The following ABCA4 variants were observed in gnomAD, a reference collection of about 807,000 sequenced individuals.
ABCA4 encodes retinal-specific phospholipid-transporting ATPase ABCA4.
Under a neutral mutation model 263.7 loss-of-function variants are expected in ABCA4, and 196 were observed. The observed-to-expected ratio is 0.74, with a 90% CI of 0.66 to 0.84. The LOEUF (loss-of-function observed/expected upper bound fraction) is 0.84, where lower values mean the gene tolerates loss of function less well. Ranked by LOEUF, ABCA4 falls within the 40% of genes least tolerant of loss-of-function variation. The pLI is 0.00. For synonymous variants in ABCA4, 1,133 were observed against 1,094.2 expected, an observed-to-expected ratio of 1.04 and a Z score of -0.70; for missense variants, 2,792 against 2,855.1, an observed-to-expected ratio of 0.98 and a Z score of 0.50.
chr1:94,096,317 G>C (rs138627461), intron 6 of ABCA4, among the ~76,000 whole-genome samples: 24 of 152,150 alleles, frequency 1.6e-4, no homozygotes, highest in Non-Finnish European at 3.5e-4. Context: ...CTACCGCTCG[G>C]GGGGACAAAT....
Position 94,021,362 on chromosome 1 carries a change from A to G in ABCA4, c.4896T>C (p.Asn1632=), listed in dbSNP as rs1246249769. The change falls in exon 35 of 50, where the codon AAT becomes AAC. Residue 1632 remains asparagine, a synonymous_variant. Coordinates refer to ENST00000370225, the MANE Select transcript of ABCA4 (RefSeq NM_000350.3). ...CCCGTAAGATGGCGTTGTGGGCCAC[A>G]TTGAGAAAGCTGACCAGGGCATGCC... ...KGWHALVSFL[N]VAHNAILRAS... is the part of the protein sequence containing the mutation. The G allele has an allele frequency of 6.2e-7, 1 of 1,614,134 alleles. No individual in the cohort carries two copies. Among genetic ancestry groups the G allele is most frequent in the African/African-American group, 1.3e-5 (1 of 74,940 alleles).
chr1:93,999,640 G>T (rs1176156910), intron 47 of ABCA4, among the ~76,000 whole-genome samples: 3 of 152,150 alleles, frequency 2.0e-5, no homozygotes, highest in South Asian at 2.1e-4. Flanking sequence ...CTGGTATCCT[G>T]TGTCAGTCAT....
Position 94,029,455 on chromosome 1 carries a change from G to T in ABCA4, c.4529C>A (p.Pro1510Gln). The T allele has an allele frequency of 6.4e-7, 1 of 1,554,088 alleles. No individual in the cohort carries two copies. Among genetic ancestry groups the T allele is most frequent in the Non-Finnish European group, 8.7e-7 (1 of 1,148,322 alleles). The change falls in exon 30 of 50, where the codon CCG becomes CAG. Residue 1510 changes from proline to glutamine, a missense_variant. Transcript: ENST00000370225. ...PECPEGAGGL[P>Q]PPQRTQRSTE... ...TTGGAGGTCAGGTACCTGGGGGGGC[G>T]GGAGGCCCCCGGCACCCTCGGGGCA... is the stretch of plus-strand genomic sequence containing the variant.
Position 94,108,713 on chromosome 1 carries a change from C to A in ABCA4, c.306G>T (p.Leu102Phe), listed in dbSNP as rs1054538871. 2 of 1,613,788 alleles carry A rather than the reference C, an allele frequency of 1.2e-6. No homozygotes were observed. The highest frequency in any genetic ancestry group is 1.3e-5 in the African/African-American group (1 of 74,898). The change falls in exon 4 of 50, where the codon TTG becomes TTT. Residue 102 changes from leucine to phenylalanine, a missense_variant. Leu to Phe is a conservative substitution (Grantham distance 22, BLOSUM62 0). Transcript: ENST00000370225. ...GIVSNYNNSILARVYRDFQEL... is the reference protein window; with the variant it reads ...GIVSNYNNSIFARVYRDFQEL... ...CTTGAAAATCTCGATATACCCTTGC[C>A]AAGCTGTAAGGACAAAGCCTCATTA...
At position 94,063,237 on chromosome 1, in the gene ABCA4, G is replaced by A. The variant is rs1278553281; in HGVS notation, c.1635C>T (p.Asn545=). The A allele has an allele frequency of 6.2e-7, 1 of 1,614,168 alleles. No homozygotes were observed. The highest frequency in any genetic ancestry group is 1.1e-5 in the South Asian group (1 of 91,084). The change falls in exon 12 of 50, where the codon AAC becomes AAT. Residue 545 remains asparagine, a synonymous_variant. Transcript: ENST00000370225. ...TQRALSLLEE[N]MFWAGVVFPD... is the part of the protein sequence containing the mutation. ...GGAATACCACTCCGGCCCAGAACAT[G>A]TTTTCCTCCAGTAGAGAGAGGGCAC...
intron 6 of ABCA4, among the ~76,000 whole-genome samples, chr1:94,084,016 T>C (rs1049327092): frequency 6.6e-6 from 1 of 152,216 alleles, no homozygotes; most frequent in African/African-American, 2.4e-5. Context: ...GATTCTCCAA[T>C]TGCCAGCAGT....
Position 94,015,757 on chromosome 1 carries a change from G to A in ABCA4, c.5294C>T (p.Ala1765Val), listed in dbSNP as rs1434692591. 1 of 1,613,708 alleles carries A rather than the reference G, an allele frequency of 6.2e-7. No individual in the cohort carries two copies. Among genetic ancestry groups the A allele is most frequent in the Non-Finnish European group, 8.5e-7 (1 of 1,179,934 alleles). ...TSPENLPALV[A>V]LLLLYGWAVI... ...GGCTTACCCATACAGCAGGAGCAGTGCCACAAGGGCAGGAAGGTTTTCTGG... is the reference window on the plus strand; with the variant it reads ...GGCTTACCCATACAGCAGGAGCAGTACCACAAGGGCAGGAAGGTTTTCTGG... Residue 1765 changes from alanine (A) to valine (V), a missense_variant, in exon 37 of 50, where the codon GCA (alanine) becomes GTA (valine). By Grantham distance (64) the Ala-to-Val change is moderately conservative. Coordinates refer to ENST00000370225, the MANE Select transcript of ABCA4 (RefSeq NM_000350.3).
In ABCA4 at chr1:94,062,681, C is replaced by A. The variant is rs774263519; in HGVS notation, c.1833G>T (p.Leu611=). 1.7e-5 allele frequency: 28 copies of A among 1,614,024 alleles called. No homozygotes were observed. Among genetic ancestry groups the A allele is most frequent in the Non-Finnish European group, 2.3e-5 (27 of 1,180,048 alleles). The change falls in exon 13 of 50, where the codon CTG becomes CTT. Residue 611 remains leucine (L), a synonymous_variant. Transcript: ENST00000370225. ...TGATCCCCTGTTCAACCATGTCCTG[C>A]AGATAGGCAAACCCGCCCCAGATGT... The part of the protein sequence containing the change: ...FRYIWGGFAY[L]QDMVEQGITR...
chr1:94,110,077 C>T (rs553392767), intron 3 of ABCA4, among the ~76,000 whole-genome samples: 19 of 152,316 alleles, frequency 1.2e-4, no homozygotes, highest in South Asian at 1.2e-3. Flanking sequence ...TGACCCCACA[C>T]GATCTCTCTG....
chr1:94,118,871 C>A (rs576204978), intron 1 of ABCA4, among the ~76,000 whole-genome samples: 1 of 152,314 alleles, frequency 6.6e-6, no homozygotes, highest in African/African-American at 2.4e-5. Context: ...TCTGTCACAG[C>A]GACATGAGCG....
At chr1:94,023,323 T>G in intron 32 of ABCA4, 63 bp downstream of exon 32, 2 of 1,388,630 alleles carry the variant, frequency 1.4e-6, no homozygotes, top group Non-Finnish European at 2.0e-6. Context: ...CTTTTAAAAG[T>G]GTGCAATTAT....
chr1:94,068,409 C>A (rs1049505478), intron 11 of ABCA4, among the ~76,000 whole-genome samples: 4 of 152,248 alleles, frequency 2.6e-5, no homozygotes, highest in African/African-American at 7.2e-5. Flanking sequence ...GGTGGCCTTG[C>A]ATTCTCATGG....
At chr1:94,059,268 T>C (rs1258716290) in intron 14 of ABCA4, among the ~76,000 whole-genome samples, 1 of 152,154 alleles carries the variant, frequency 6.6e-6, no homozygotes, top group African/African-American at 2.4e-5. Context: ...GAAACCTAGA[T>C]AAGGACAAGG....
Position 94,063,315 on chromosome 1 carries a change from G to T in ABCA4, c.1557C>A (p.Cys519Ter), listed in dbSNP as rs1553192726. 4 of 1,614,090 alleles carry T rather than the reference G, an allele frequency of 2.5e-6. No individual in the cohort carries two copies. The highest frequency in any genetic ancestry group is 3.4e-6 in the Non-Finnish European group (4 of 1,179,994). The change falls in exon 12 of 50, where the codon TGC becomes TGA. Residue 519 changes from cysteine to a stop codon, truncating the protein, a stop_gained and splice_region_variant. Coordinates refer to ENST00000370225, the MANE Select transcript of ABCA4 (RefSeq NM_000350.3). LOFTEE classifies it high-confidence loss of function. ...AGCTTTCAAACTTATCCAGGACCAAGCACTGCAGAGAGTCACAAAGTTGAG... is the reference window on the plus strand; with the variant it reads ...AGCTTTCAAACTTATCCAGGACCAATCACTGCAGAGAGTCACAAAGTTGAG... ...TLRLVNQYLE[C>*]LVLDKFESYN...
intron 4 of ABCA4, 89 bp from the exon 5 acceptor site, chr1:94,103,231 A>T: frequency 6.6e-7 from 1 of 1,506,132 alleles, no homozygotes. Context: ...AAACACTTGT[A>T]ACTCAACTCT....
At chr1:94,025,262 G>A (rs1330996644) in intron 30 of ABCA4, among the ~76,000 whole-genome samples, 1 of 151,976 alleles carries the variant, frequency 6.6e-6, no homozygotes, top group East Asian at 1.9e-4. Flanking sequence ...AAGACAGAAT[G>A]GCGTCACTCC....
intron 1 of ABCA4, among the ~76,000 whole-genome samples, chr1:94,116,999 TTTCTTTCTTTCTTTCTTTCTTTCTTTCC>T (rs1662797693): frequency 8.2e-6 from 1 of 121,926 alleles, no homozygotes; most frequent in African/African-American, 3.1e-5. Flanking sequence ...TCTTTCTTTC[TTTCTTTCTTTCTTTCTTTCTTTCTTTCC>T]TTTTCTTTCT....
chr1:94,004,105 C>T (rs1420111853), intron 44 of ABCA4, among the ~76,000 whole-genome samples: 2 of 152,152 alleles, frequency 1.3e-5, no homozygotes, highest in African/African-American at 2.4e-5. Flanking sequence ...TAAGTGTGCT[C>T]ATGGCTACTG....
intron 2 of ABCA4, 27 bp from the exon 3 acceptor site, chr1:94,111,606 CG>C: frequency 7.4e-6 from 12 of 1,613,818 alleles, no homozygotes; most frequent in Non-Finnish European, 1.0e-5. Flanking sequence ...GAGGACAAGA[CG>C]GGATTAGTCA....
Sources: gnomAD v4.1 joint callset for allele counts (sites outside exome capture counted in the v4.1 genomes callset) on GRCh38, gnomAD v4.1.1 for gene constraint, MANE v1.5 for transcripts, NCBI Gene and HGNC (gene_info 2026-07-23, HGNC 2026-07-21) for gene names.